DIAPH1: variants seen among roughly 807,000 people sequenced by gnomAD.
The protein encoded by DIAPH1 is diaphanous related formin 1.
Under a neutral mutation model 140.7 loss-of-function variants are expected in DIAPH1, and 46 were observed. The ratio of observed to expected loss-of-function variants is 0.33; its 90% CI spans 0.26 to 0.42. The LOEUF (loss-of-function observed/expected upper bound fraction) is 0.42. Among genes scored for constraint, DIAPH1 ranks in the 10% least tolerant of loss-of-function variants. The pLI is 1.00. For missense variants in DIAPH1, 1,310 were observed against 1,558.7 expected, an observed-to-expected ratio of 0.84 and a Z score of 2.69; for synonymous variants, 565 against 551.6, an observed-to-expected ratio of 1.02 and a Z score of -0.34.
At chr5:141,566,122 G>T (rs1448368797) in intron 18 of DIAPH1, among the ~76,000 whole-genome samples, 1 of 152,188 alleles carries the variant, frequency 6.6e-6, no homozygotes, top group African/African-American at 2.4e-5. Context: ...TAGGACAAAT[G>T]GATTAGCGGG....
At chr5:141,610,288 C>T (rs1035409533) in intron 1 of DIAPH1, among the ~76,000 whole-genome samples, 31 of 152,068 alleles carry the variant, frequency 2.0e-4, no homozygotes, top group Non-Finnish European at 3.1e-4. Flanking sequence ...CCCACCACCA[C>T]ACCCGGCTAA....
Position 141,562,433 on chromosome 5 carries a change from CTG to C in DIAPH1, c.2482+8993_2482+8994del, listed in dbSNP as rs140125112. Reference sequence around the variant, plus strand: ...TTTTGGTAAGAGGAAGGACAAGAATCTGTATCAGTATTTGTTTATAACTGCAC... The same window carrying C: ...TTTTGGTAAGAGGAAGGACAAGAATCTATCAGTATTTGTTTATAACTGCAC... On this transcript the variant is annotated intron_variant, in intron 18 of 27. Transcript: ENST00000389054. Among the ~76,000 whole-genome samples the C allele has an allele frequency of 3.3e-3, 500 of 152,000 alleles. 2 individuals are homozygous for C. Among genetic ancestry groups the C allele is most frequent in the African/African-American group, 0.011 (476 of 41,466 alleles).
At chr5:141,574,935 A>G (rs752564011) in intron 15 of DIAPH1, 32 bp downstream of exon 15, 2 of 1,613,496 alleles carry the variant, frequency 1.2e-6, no homozygotes, top group Admixed American at 1.7e-5. Context: ...CTGAGGTTAC[A>G]GGTCATTCTG....
chr5:141,611,593 CAGACAAAAGAA>C (rs1367539340), intron 1 of DIAPH1, among the ~76,000 whole-genome samples: 1 of 151,950 alleles, frequency 6.6e-6, no homozygotes, highest in East Asian at 1.9e-4. Context: ...GAAAGTCAGA[CAGACAAAAGAA>C]AGACAAAAGA....
At chr5:141,551,138 T>C (rs2099891618) in intron 18 of DIAPH1, among the ~76,000 whole-genome samples, 1 of 152,230 alleles carries the variant, frequency 6.6e-6, no homozygotes, top group East Asian at 1.9e-4. Context: ...CTGTACCGCA[T>C]TTATGGACCT....
chr5:141,554,603 T>A (rs922431159), intron 18 of DIAPH1, among the ~76,000 whole-genome samples: 1 of 152,008 alleles, frequency 6.6e-6, no homozygotes. Context: ...GAAAGAACAG[T>A]ATCAAAAAAA....
chr5:141,544,595 C>T (rs1232240879), intron 18 of DIAPH1, among the ~76,000 whole-genome samples: 1 of 152,130 alleles, frequency 6.6e-6, no homozygotes, highest in African/African-American at 2.4e-5. Context: ...ATACAGATGG[C>T]AAATTAAGCA....
chr5:141,567,696 G>T (rs534193151), intron 18 of DIAPH1, among the ~76,000 whole-genome samples: 48 of 152,326 alleles, frequency 3.2e-4, no homozygotes, highest in Admixed American at 2.0e-3. Flanking sequence ...AACTGGGTGA[G>T]TGCCACCTAG....
chr5:141,535,272 A>T (rs1018936842), intron 18 of DIAPH1, among the ~76,000 whole-genome samples: 2 of 151,992 alleles, frequency 1.3e-5, no homozygotes, highest in African/African-American at 4.8e-5. Flanking sequence ...CTTGAACATG[A>T]CTTTCTCTAA....
chr5:141,534,231 G>A (rs2099888694), intron 19 of DIAPH1, 104 bp downstream of exon 19: 1 of 913,552 alleles, frequency 1.1e-6, no homozygotes, highest in Non-Finnish European at 1.8e-6. Flanking sequence ...AGCAGGAATT[G>A]AACAATTAAA....
intron 27 of DIAPH1, 126 bp downstream of exon 27, chr5:141,524,017 C>A: frequency 1.2e-6 from 1 of 852,898 alleles, no homozygotes; most frequent in Non-Finnish European, 2.0e-6. Flanking sequence ...CTAGATAATC[C>A]GTTCTGGATG....
chr5:141,517,492 G>A (rs1365020165), intron 27 of DIAPH1, among the ~76,000 whole-genome samples: 2 of 152,110 alleles, frequency 1.3e-5, no homozygotes, highest in Admixed American at 6.6e-5. Context: ...GCAACCTTCC[G>A]TAAGTGGCTG....
chr5:141,611,084 C>G (rs1284202733), intron 1 of DIAPH1, among the ~76,000 whole-genome samples: 1 of 151,558 alleles, frequency 6.6e-6, no homozygotes, highest in Non-Finnish European at 1.5e-5. Context: ...GAGTGAGACT[C>G]TGCCTCAAAA....
intron 1 of DIAPH1, among the ~76,000 whole-genome samples, chr5:141,613,776 TA>T (rs201494874): frequency 2.6e-5 from 4 of 152,010 alleles, no homozygotes; most frequent in Admixed American, 6.6e-5. Flanking sequence ...AGAAACGTGT[TA>T]AAAAAAAGGA....
At chr5:141,605,280 C>T (rs1470270410) in intron 1 of DIAPH1, among the ~76,000 whole-genome samples, 1 of 151,932 alleles carries the variant, frequency 6.6e-6, no homozygotes, top group African/African-American at 2.4e-5. Flanking sequence ...AAGCAAAAAA[C>T]ATCTGTAAAC....
At chr5:141,517,721 G>A (rs375417014) in intron 27 of DIAPH1, among the ~76,000 whole-genome samples, 22 of 152,120 alleles carry the variant, frequency 1.4e-4, no homozygotes, top group Admixed American at 4.6e-4. Flanking sequence ...AAGCAGAACT[G>A]GGATAAAGAT....
At chr5:141,611,904 T>C (rs187188583) in intron 1 of DIAPH1, among the ~76,000 whole-genome samples, 1 of 152,104 alleles carries the variant, frequency 6.6e-6, no homozygotes, top group African/African-American at 2.4e-5. Context: ...CCATCTCTAC[T>C]AAAAATACAA....
rs1232760149 is a variant in DIAPH1 at position 141,526,316 on chromosome 5, T to C, written c.3419A>G (p.Asn1140Ser). 3 of 1,614,036 alleles carry C rather than the reference T, an allele frequency of 1.9e-6. No homozygotes were observed. The highest frequency in any genetic ancestry group is 2.2e-5 in the South Asian group (2 of 91,078). Residue 1140 changes from asparagine to serine, a missense_variant, in exon 25 of 28, where the codon AAT becomes AGT. Asn to Ser is a conservative substitution (Grantham distance 46). This residue lies in a region of DIAPH1 where 344 missense variants were observed against 512.2 expected (regional missense o/e 0.67). Coordinates refer to ENST00000389054, the MANE Select transcript of DIAPH1 (RefSeq NM_005219.5). ...SVEEFFMDLH[N>S]FRNMFLQAVK... ...GCTCACCAAAAACATATTCCGAAAA[T>C]TGTGAAGATCCATGAAAAATTCTTC...
At chr5:141,588,597 G>A (rs2099897902) in intron 1 of DIAPH1, among the ~76,000 whole-genome samples, 1 of 151,854 alleles carries the variant, frequency 6.6e-6, no homozygotes, top group Non-Finnish European at 1.5e-5. Flanking sequence ...ACCACAGTGA[G>A]ATATCAATTC....
Sources: gnomAD v4.1 joint callset for allele counts (sites outside exome capture counted in the v4.1 genomes callset) on GRCh38, gnomAD v4.1.1 for gene constraint, gnomAD v4.1.1 regional missense constraint, MANE v1.5 for transcripts, NCBI Gene and HGNC (gene_info 2026-07-23, HGNC 2026-07-21) for gene names.